The following ARHGAP21 variants were observed in gnomAD, a reference collection of about 807,000 sequenced individuals.
ARHGAP21 encodes the protein rho GTPase-activating protein 21.
A neutral mutation model predicts 164.6 loss-of-function variants in ARHGAP21; 38 were observed. The observed-to-expected ratio is 0.23, with a 90% CI of 0.18 to 0.30. The LOEUF (loss-of-function observed/expected upper bound fraction) is 0.30. Ranked by LOEUF, ARHGAP21 falls within the 10% of genes least tolerant of loss-of-function variation. The probability of loss-of-function intolerance (pLI) is 1.00; values close to 1 mark genes in which losing one functional copy is unlikely to be tolerated. For missense variants in ARHGAP21, 1,822 were observed against 2,370.7 expected, an observed-to-expected ratio of 0.77 and a Z score of 4.81; for synonymous variants, 766 against 857.9, an observed-to-expected ratio of 0.89 and a Z score of 1.87.
chr10:24,713,373 T>C (rs1362297147), intron 2 of ARHGAP21, among the ~76,000 whole-genome samples: 1 of 152,120 alleles, frequency 6.6e-6, no homozygotes, highest in African/African-American at 2.4e-5. Flanking sequence ...CAATATCAAA[T>C]AGAAAACTCA....
intron 2 of ARHGAP21, among the ~76,000 whole-genome samples, chr10:24,703,141 G>GA (rs890919708): frequency 4.0e-5 from 6 of 151,702 alleles, no homozygotes; most frequent in Middle Eastern, 3.4e-3. Context: ...CACACTGGGT[G>GA]AAAAAAAATG....
intron 10 of ARHGAP21, 21 bp downstream of exon 10, chr10:24,607,724 A>G: frequency 6.2e-7 from 1 of 1,612,672 alleles, no homozygotes; most frequent in Non-Finnish European, 8.5e-7. Flanking sequence ...TACGGTTTAC[A>G]AAACCACCCT....
At chr10:24,684,340 A>G (rs1371238780) in intron 2 of ARHGAP21, among the ~76,000 whole-genome samples, 2 of 152,136 alleles carry the variant, frequency 1.3e-5, no homozygotes, top group East Asian at 3.8e-4. Flanking sequence ...ACACTATAAA[A>G]CACTCTTCAA....
intron 4 of ARHGAP21, among the ~76,000 whole-genome samples, chr10:24,654,343 G>C (rs1389057785): frequency 2.0e-5 from 3 of 148,210 alleles, no homozygotes; most frequent in East Asian, 4.0e-4. Flanking sequence ...AATTGTCCCT[G>C]TTTGCAGATG....
intron 2 of ARHGAP21, among the ~76,000 whole-genome samples, chr10:24,696,565 C>T (rs188074286): frequency 6.6e-5 from 10 of 152,168 alleles, no homozygotes; most frequent in Admixed American, 2.0e-4. Flanking sequence ...TAAAATGTGA[C>T]GCTGGATGAA....
rs750683874 is a variant in ARHGAP21 at position 24,590,478 on chromosome 10, G to T, written c.4150+747C>A. The stretch of plus-strand genomic sequence containing the variant: ...CCGTGTGATAGACTCCTCCCACTTC[G>T]CCTGTTCAACATCAGTATAGATTTG... On this transcript the variant is annotated intron_variant, in intron 24 of 25. Coordinates refer to ENST00000396432, the MANE Select transcript of ARHGAP21 (RefSeq NM_020824.4). 7.8e-6 allele frequency: 12 copies of T among 1,534,922 alleles called. No individual in the cohort carries two copies. The South Asian group carries it at 1.4e-4, about 18-fold the overall frequency.
chr10:24,649,874 C>T (rs970104326), intron 4 of ARHGAP21, among the ~76,000 whole-genome samples: 4 of 151,984 alleles, frequency 2.6e-5, no homozygotes, highest in African/African-American at 7.2e-5. Flanking sequence ...AAAGATAAAA[C>T]TAAAAGTAGT....
rs796077872 is a variant in ARHGAP21, at chr10:24,678,504, GTTGTT to G, written c.64-8112_64-8108del. Among the ~76,000 whole-genome samples the G allele has an allele frequency of 5.0e-3, 764 of 152,052 alleles. 6 individuals carry two copies. The highest frequency in any genetic ancestry group is 0.018 in the African/African-American group (738 of 41,452). ...GGTTTGTTTCTGTCTTTTTGTTGTTGTTGTTTTGTTTATTTTGAGACAGTCTTGCT... is the reference window on the plus strand; with the variant it reads ...GGTTTGTTTCTGTCTTTTTGTTGTTGTTGTTTATTTTGAGACAGTCTTGCT... On this transcript the variant is annotated intron_variant, in intron 2 of 25. Transcript: ENST00000396432.
chr10:24,590,423 G>A lies in ARHGAP21; in HGVS notation c.4150+802C>T, dbSNP rs753962965. The stretch of plus-strand genomic sequence containing the variant: ...TTCCTACAGTTCCAGCTGTCCATCA[G>A]GGACATCACAGAATCCACTAGTGAC... On this transcript the variant is annotated intron_variant, in intron 24 of 25. Coordinates refer to ENST00000396432, the MANE Select transcript of ARHGAP21 (RefSeq NM_020824.4). The A allele has an allele frequency of 2.6e-6, 4 of 1,535,358 alleles. 1 individual carries two copies. The South Asian group carries it at 4.8e-5, about 18-fold the overall frequency.
In ARHGAP21 at chr10:24,584,860, G is replaced by C. The variant is rs1300706105; in HGVS notation, c.5429C>G (p.Ala1810Gly). The C allele has an allele frequency of 1.9e-6, 3 of 1,613,808 alleles. No individual in the cohort carries two copies. The highest frequency in any genetic ancestry group is 1.7e-6 in the Non-Finnish European group (2 of 1,179,856). ...RRHTLGGHRDATEISVLNFWK... is the reference protein window; with the variant it reads ...RRHTLGGHRDGTEISVLNFWK... ...AAAATTCAAAACGCTGATTTCGGTAGCATCTCTGTGCCCTCCTAGTGTATG... is the reference window on the plus strand; with the variant it reads ...AAAATTCAAAACGCTGATTTCGGTACCATCTCTGTGCCCTCCTAGTGTATG... Residue 1810 changes from alanine to glycine, a missense_variant, in exon 26 of 26, where the codon GCT (alanine) becomes GGT (glycine). Around this residue, in one of 5 missense-constraint regions of ARHGAP21, gnomAD observed 117 missense variants for 193.2 expected, o/e 0.61. Coordinates refer to ENST00000396432, the MANE Select transcript of ARHGAP21 (RefSeq NM_020824.4).
intron 9 of ARHGAP21, among the ~76,000 whole-genome samples, chr10:24,616,379 G>A (rs1833951396): frequency 2.0e-5 from 3 of 152,206 alleles, no homozygotes; most frequent in African/African-American, 7.2e-5. Flanking sequence ...CTCCCAAAGG[G>A]AGAAACTGGG....
intron 2 of ARHGAP21, among the ~76,000 whole-genome samples, chr10:24,717,404 G>GA (rs1845490228): frequency 2.0e-5 from 3 of 152,198 alleles, no homozygotes. Flanking sequence ...ATCCAAGGGG[G>GA]ATATAGATAA....
rs564189645 is a variant in ARHGAP21, at chr10:24,701,925, C to T, written c.63+19912G>A. On this transcript the variant is annotated intron_variant, in intron 2 of 25. Transcript: ENST00000396432. ...CCTTCTGAGTTCCCTATGTATGTGG[C>T]TGTGTAATAACAGCTGTCATTGGAC... Among the ~76,000 whole-genome samples the T allele has an allele frequency of 8.5e-5, 13 of 152,220 alleles. No individual in the cohort carries two copies. The East Asian group carries it at 2.3e-3, about 27-fold the overall frequency.
Position 24,615,105 on chromosome 10 carries a change from A to T in ARHGAP21, c.2422+4368T>A, listed in dbSNP as rs571728430. Among the ~76,000 whole-genome samples the T allele has an allele frequency of 2.6e-3, 402 of 151,864 alleles. 1 individual carries two copies. Among genetic ancestry groups the T allele is most frequent in the African/African-American group, 9.0e-3 (373 of 41,422 alleles). ...CTCGGGAGGCTGAGGCAGGAGAATC[A>T]CTTGAACCCGGGAGGCGGAGGTTGC... On this transcript the variant is annotated intron_variant, in intron 9 of 25. Coordinates refer to ENST00000396432, the MANE Select transcript of ARHGAP21 (RefSeq NM_020824.4).
At chr10:24,706,668 C>T (rs1844254751) in intron 2 of ARHGAP21, 1 of 152,594 alleles carries the variant, frequency 6.6e-6, no homozygotes, top group South Asian at 2.1e-4. Flanking sequence ...GTTACGAGAG[C>T]TCTGCAGTGA....
rs2076522451 is a variant in ARHGAP21, at chr10:24,595,119, G to A, written c.3784C>T (p.Leu1262=). The change falls in exon 20 of 26, where the codon CTA becomes TTA. Residue 1262 remains leucine (L), a splice_region_variant and synonymous_variant. Transcript: ENST00000396432. ...CCAAAATATAAAATAATACCTACTA[G>A]TCTTTTTAATGTTTTCAGACGATCT... is the stretch of plus-strand genomic sequence containing the variant. ...PLDRLKTLKR[L]IHDLPEHHYE... is the part of the protein sequence containing the mutation. 6.2e-7 allele frequency: 1 copy of A among 1,608,140 alleles called. No individual in the cohort carries two copies.
At chr10:24,596,605 GGGAAACTAAGGTCTGCTATGAAAA>G in intron 17 of ARHGAP21, 111 bp downstream of exon 17, 1 of 1,204,482 alleles carries the variant, frequency 8.3e-7, no homozygotes, top group Non-Finnish European at 1.2e-6. Context: ...GAAATACTTA[GGGAAACTAAGGTCTGCTATGAAAA>G]GGAAAACAGA....
intron 23 of ARHGAP21, 81 bp downstream of exon 23, chr10:24,591,561 G>T (rs907011975): frequency 1.1e-5 from 17 of 1,531,800 alleles, no homozygotes; most frequent in Non-Finnish European, 1.5e-5. Flanking sequence ...TAGCAAAGCA[G>T]GAAGTTGACA....
chr10:24,689,605 G>A (rs1424785694), intron 2 of ARHGAP21, among the ~76,000 whole-genome samples: 1 of 151,962 alleles, frequency 6.6e-6, no homozygotes, highest in Non-Finnish European at 1.5e-5. Flanking sequence ...GCCCAGCATG[G>A]TGGCACGTGC....
Sources: gnomAD v4.1 joint callset for allele counts (sites outside exome capture counted in the v4.1 genomes callset) on GRCh38, gnomAD v4.1.1 for gene constraint, gnomAD v4.1.1 regional missense constraint, MANE v1.5 for transcripts, NCBI Gene and HGNC (gene_info 2026-07-23, HGNC 2026-07-21) for gene names.